CFAP58: variants seen among roughly 807,000 people sequenced by gnomAD.
CFAP58 encodes the protein cilia and flagella associated protein 58, also known as cilia- and flagella-associated protein 58.
In CFAP58, 88 loss-of-function variants were observed where a neutral mutation model predicts 119.5. The ratio of observed to expected loss-of-function variants is 0.74; its 90% CI spans 0.62 to 0.88. The LOEUF is 0.88. Among genes scored for constraint, CFAP58 ranks in the 40% least tolerant of loss-of-function variants. The pLI is 0.00. For missense variants in CFAP58, 990 were observed against 1,021.2 expected (o/e 0.97, Z 0.42); for synonymous variants, 365 against 366.3 (o/e 1.00, Z 0.04).
intron 14 of CFAP58, 57 bp from the exon 15 acceptor site, chr10:104,406,632 C>T (rs2012363416): frequency 3.7e-6 from 5 of 1,340,844 alleles, no homozygotes; most frequent in Non-Finnish European, 5.3e-6. Flanking sequence ...TACATAGAGG[C>T]CTCAGTGCTT....
chr10:104,364,439 C>G (rs1396973421), intron 3 of CFAP58, among the ~76,000 whole-genome samples: 3 of 150,474 alleles, frequency 2.0e-5, no homozygotes. Flanking sequence ...CACACACACA[C>G]ACACACACAC....
At chr10:104,392,591 T>C (rs964428105) in intron 10 of CFAP58, among the ~76,000 whole-genome samples, 197 bp downstream of exon 10, 2 of 151,698 alleles carry the variant, frequency 1.3e-5, no homozygotes, top group African/African-American at 2.4e-5. Context: ...GTGGAGATCA[T>C]GGTCCTACTT....
At chr10:104,369,497 C>CT (rs1564881449) in intron 6 of CFAP58, among the ~76,000 whole-genome samples, 1 of 152,170 alleles carries the variant, frequency 6.6e-6, no homozygotes, top group Non-Finnish European at 1.5e-5. Context: ...GTCTGAGGGT[C>CT]TGACGCTGAA....
chr10:104,344,337 A>C, the CFAP58 span, among the ~76,000 whole-genome samples: 22 of 152,322 alleles, frequency 1.4e-4, no homozygotes, highest in African/African-American at 5.1e-4. Context: ...TCAGCACCTA[A>C]TCTATGCCAG....
intron 9 of CFAP58, among the ~76,000 whole-genome samples, chr10:104,391,834 TG>T (rs1416590946): frequency 3.3e-5 from 5 of 152,356 alleles, no homozygotes; most frequent in Non-Finnish European, 7.4e-5. Flanking sequence ...GCAGCCAGTG[TG>T]GCCAAACAGC....
chr10:104,428,979 G>A (rs1013707143), intron 15 of CFAP58, among the ~76,000 whole-genome samples: 5 of 152,232 alleles, frequency 3.3e-5, no homozygotes, highest in Non-Finnish European at 7.3e-5. Context: ...AGAAATGGAC[G>A]TGGGAATTGC....
upstream of CFAP58, among the ~76,000 whole-genome samples, chr10:104,349,000 A>G (rs919594273): frequency 3.3e-5 from 5 of 152,186 alleles, no homozygotes; most frequent in African/African-American, 9.7e-5. Flanking sequence ...TAATCCCAGC[A>G]TTTTGGGAGG....
chr10:104,350,141 G>A (rs2014443349), upstream of CFAP58, among the ~76,000 whole-genome samples: 1 of 152,200 alleles, frequency 6.6e-6, no homozygotes, highest in South Asian at 2.1e-4. Flanking sequence ...CTCCTCAAGG[G>A]AGAAGATCGT....
chr10:104,376,562 A>G lies in CFAP58; in HGVS notation c.1091-249A>G, dbSNP rs901279509. Among the ~76,000 whole-genome samples the G allele has an allele frequency of 2.0e-5, 3 of 151,768 alleles. No homozygotes were observed. In the Middle Eastern group the frequency reaches 0.01, roughly 520 times the overall value. On this transcript the variant is annotated intron_variant, in intron 7 of 17. Coordinates refer to ENST00000369704, the MANE Select transcript of CFAP58 (RefSeq NM_001008723.2). ...ACATTTTTGGCGTTGGAGAAATCTT[A>G]GCCCTGTCACCTGTTGGCTTCAGAC...
chr10:104,418,480 G>T (rs1474969886), intron 15 of CFAP58, among the ~76,000 whole-genome samples: 1 of 152,196 alleles, frequency 6.6e-6, no homozygotes, highest in Non-Finnish European at 1.5e-5. Flanking sequence ...CCCAGGAGGC[G>T]GAGCTTGCAG....
intron 15 of CFAP58, among the ~76,000 whole-genome samples, chr10:104,411,068 T>G (rs1312057760): frequency 6.6e-6 from 1 of 152,112 alleles, no homozygotes; most frequent in Non-Finnish European, 1.5e-5. Context: ...GCCTCCTGAG[T>G]AGCTGGGATT....
chr10:104,358,102 C>CTT (rs10624333), intron 1 of CFAP58, among the ~76,000 whole-genome samples: 81 of 146,376 alleles, frequency 5.5e-4, no homozygotes, highest in African/African-American at 1.8e-3. Flanking sequence ...TATATATGTA[C>CTT]ATATATACAC....
intron 4 of CFAP58, 62 bp downstream of exon 4, chr10:104,364,951 G>A: frequency 6.5e-7 from 1 of 1,536,336 alleles, no homozygotes; most frequent in Non-Finnish European, 8.9e-7. Flanking sequence ...TCCCTCCACA[G>A]TCTCTATTCC....
At position 104,399,344 on chromosome 10, in the gene CFAP58, T is replaced by C. The variant is rs771272254; in HGVS notation, c.1675-16T>C. On this transcript the variant is annotated splice_polypyrimidine_tract_variant and intron_variant, in intron 11 of 17. Transcript: ENST00000369704. Reference sequence around the variant, plus strand: ...TAACGAATTGAAATTTGCCTGTATCTTCCACTCTTTGTCAGGCTGAGCTGC... The same window carrying C: ...TAACGAATTGAAATTTGCCTGTATCCTCCACTCTTTGTCAGGCTGAGCTGC... The C allele has an allele frequency of 2.0e-5, 33 of 1,612,714 alleles. No homozygotes were observed. Among genetic ancestry groups the C allele is most frequent in the Middle Eastern group, 1.6e-4 (1 of 6,074 alleles).
At chr10:104,396,747 A>T (rs2012169662) in intron 11 of CFAP58, among the ~76,000 whole-genome samples, 2 of 152,242 alleles carry the variant, frequency 1.3e-5, no homozygotes, top group Non-Finnish European at 2.9e-5. Flanking sequence ...TAACACTTGG[A>T]TAGGTGCAGA....
chr10:104,364,998 C>A, intron 4 of CFAP58, 109 bp downstream of exon 4: 1 of 1,070,838 alleles, frequency 9.3e-7, no homozygotes, highest in Non-Finnish European at 1.3e-6. Flanking sequence ...CCCTAGCGCC[C>A]AAATGAAACA....
chr10:104,364,648 C>G, intron 3 of CFAP58, 85 bp from the exon 4 acceptor site: 1 of 1,244,768 alleles, frequency 8.0e-7, no homozygotes, highest in Non-Finnish European at 1.1e-6. Flanking sequence ...TGACATCTTT[C>G]CCATGAAAAT....
Position 104,443,012 on chromosome 10 carries a change from G to A in CFAP58, c.2257-4686G>A, listed in dbSNP as rs555226098. ...GGGCATAGTTTGCTGACCTGACCGT[G>A]TAATTGCAGTCAATGAAATTATTAA... On this transcript the variant is annotated intron_variant, in intron 15 of 17. Transcript: ENST00000369704. Among the ~76,000 whole-genome samples the A allele has an allele frequency of 1.5e-4, 23 of 152,322 alleles. No homozygotes were observed. The East Asian group carries it at 4.2e-3, about 28-fold the overall frequency.
At chr10:104,357,845 GTACACATATATA>G (rs2014573422) in intron 1 of CFAP58, among the ~76,000 whole-genome samples, 1 of 91,502 alleles carries the variant, frequency 1.1e-5, no homozygotes, top group Non-Finnish European at 2.1e-5. Context: ...GTACACATAT[GTACACATATATA>G]CACATATATA....
Sources: allele counts gnomAD v4.1 joint callset (sites outside exome capture counted in the v4.1 genomes callset), GRCh38; gene constraint gnomAD v4.1.1; transcripts MANE v1.5; gene names NCBI Gene and HGNC (gene_info 2026-07-23, HGNC 2026-07-21).